The following FLYWCH1 variants were observed in gnomAD, a reference collection of about 807,000 sequenced individuals.
FLYWCH1 encodes the protein FLYWCH-type zinc finger-containing protein 1.
In FLYWCH1, 75 loss-of-function variants were observed where a neutral mutation model predicts 66.4. That is an observed-to-expected ratio of 1.13 (90% CI 0.94 to 1.37). FLYWCH1 has a LOEUF of 1.37. Among genes scored for constraint, FLYWCH1 ranks in the 40% most tolerant of loss-of-function variants. The probability of loss-of-function intolerance (pLI) is 0.00; values close to 1 mark genes in which losing one functional copy is unlikely to be tolerated. For synonymous variants in FLYWCH1, 595 were observed against 429.9 expected (o/e 1.38, Z -4.75); for missense variants, 1,334 against 1,001.8 (o/e 1.33, Z -4.48).
At chr16:2,921,216 A>G (rs1449497562) in intron 2 of FLYWCH1, among the ~76,000 whole-genome samples, 1 of 152,196 alleles carries the variant, frequency 6.6e-6, no homozygotes, top group Non-Finnish European at 1.5e-5. Flanking sequence ...AAAGTCTACA[A>G]TTCATTGCTT....
Position 2,938,334 on chromosome 16 carries a change from C to G in FLYWCH1, c.1928C>G (p.Ala643Gly), listed in dbSNP as rs1375103593. 6.2e-7 allele frequency: 1 copy of G among 1,606,568 alleles called. No individual in the cohort carries two copies. The highest frequency in any genetic ancestry group is 8.5e-7 in the Non-Finnish European group (1 of 1,176,366). Residue 643 changes from alanine to glycine, a missense_variant, in exon 8 of 10, where the codon GCC becomes GGC. Ala to Gly is a moderately conservative substitution (Grantham distance 60). Transcript: ENST00000253928. ...DQARLGCRSR[A>G]ITQGHRIMVM... ...GCTCGGCTGGGCTGCCGCAGCCGCG[C>G]CATAACCCAGGGCCACCGCATCATG... is the stretch of plus-strand genomic sequence containing the variant.
chr16:2,947,903 T>G (rs1355191770), intron 9 of FLYWCH1, among the ~76,000 whole-genome samples: 3 of 141,768 alleles, frequency 2.1e-5, no homozygotes, highest in Non-Finnish European at 4.4e-5. Flanking sequence ...TAGCCAGATG[T>G]GGTGGTGTGC....
At position 2,930,784 on chromosome 16, in the gene FLYWCH1, C is replaced by T; in HGVS notation, c.700C>T (p.Leu234=). The change falls in exon 4 of 10, where the codon CTG becomes TTG. Residue 234 remains leucine, a synonymous_variant. Transcript: ENST00000253928. The stretch of plus-strand genomic sequence containing the variant: ...TGAGGAGCCCGAGCCCACTCCTGGG[C>T]TGGTGCTGAGCAAGCCGGCCCTGGA... ...CPEEPEPTPG[L]VLSKPALEEE... 6.3e-7 allele frequency: 1 copy of T among 1,590,928 alleles called. No homozygotes were observed. The highest frequency in any genetic ancestry group is 1.1e-5 in the South Asian group (1 of 87,674).
At position 2,946,867 on chromosome 16, in the gene FLYWCH1, G is replaced by A. The variant is rs118155051; in HGVS notation, c.2112-1821G>A. On this transcript the variant is annotated intron_variant, in intron 9 of 9. Transcript: ENST00000253928. ...AGCTAACAAGTGTTGGTGACGACAT[G>A]GAGAAACTGGAACCCTCATACTCTC... is the stretch of plus-strand genomic sequence containing the variant. 8.8e-3 allele frequency among the ~76,000 whole-genome samples: 1,344 copies of A among 152,206 alleles called. 10 individuals are homozygous for A. Among genetic ancestry groups the A allele is most frequent in the Non-Finnish European group, 0.014 (982 of 68,012 alleles).
intron 8 of FLYWCH1, 37 bp from the exon 9 acceptor site, chr16:2,939,995 G>A: frequency 6.4e-7 from 1 of 1,567,458 alleles, no homozygotes; most frequent in Non-Finnish European, 8.7e-7. Context: ...AACAAGAGAA[G>A]AATTATTAAT....
chr16:2,944,843 T>C lies in FLYWCH1; in HGVS notation c.2112-3845T>C, dbSNP rs2151020732. Among the ~76,000 whole-genome samples, 2 of 151,926 alleles carry C rather than the reference T, an allele frequency of 1.3e-5. 1 individual carries two copies. The highest frequency in any genetic ancestry group is 4.2e-4 in the South Asian group (2 of 4,810). Reference sequence around the variant, plus strand: ...TATCAAAAAAAAAAAAAAATTTTTTTTAACTGTAAAACGGCCTCAGGCAGG... The same window carrying C: ...TATCAAAAAAAAAAAAAAATTTTTTCTAACTGTAAAACGGCCTCAGGCAGG... On this transcript the variant is annotated intron_variant, in intron 9 of 9. Transcript: ENST00000253928.
chr16:2,938,202 A>G lies in FLYWCH1; in HGVS notation c.1796A>G (p.Glu599Gly). Residue 599 changes from glutamate (E) to glycine (G), a missense_variant, in exon 8 of 10, where the codon GAG becomes GGG. Transcript: ENST00000253928. ...WDSPDPLRPL[E>G]FLRTSLGGRF... ...CTTTCAGATCCTCTCCGGCCCCTGGAGTTCCTGAGGACTTCCCTGGGGGGC... is the reference window on the plus strand; with the variant it reads ...CTTTCAGATCCTCTCCGGCCCCTGGGGTTCCTGAGGACTTCCCTGGGGGGC... 1 of 1,612,822 alleles carries G rather than the reference A, an allele frequency of 6.2e-7. No individual in the cohort carries two copies.
Position 2,933,972 on chromosome 16 carries a change from G to A in FLYWCH1, c.1506G>A (p.Gly502=), listed in dbSNP as rs1344667327. The change falls in exon 6 of 10, where the codon GGG becomes GGA. Residue 502 remains glycine, a synonymous_variant. Coordinates refer to ENST00000253928, the MANE Select transcript of FLYWCH1 (RefSeq NM_001308068.2). ...AACGCCCCAACACGGCGCAGCGGGGGAGCCCAGGTACCTGGGGGTGGGCTG... is the reference window on the plus strand; with the variant it reads ...AACGCCCCAACACGGCGCAGCGGGGAAGCCCAGGTACCTGGGGGTGGGCTG... ...REKRPNTAQR[G]SPGGPEFLKT... 1 of 1,534,284 alleles carries A rather than the reference G, an allele frequency of 6.5e-7. No individual in the cohort carries two copies. Among genetic ancestry groups the A allele is most frequent in the Non-Finnish European group, 8.8e-7 (1 of 1,138,510 alleles).
At chr16:2,921,414 A>G (rs2070370890) in intron 2 of FLYWCH1, among the ~76,000 whole-genome samples, 2 of 152,006 alleles carry the variant, frequency 1.3e-5, no homozygotes, top group South Asian at 4.1e-4. Context: ...TGGACAGGGA[A>G]GCGGGTGAGA....
In FLYWCH1 at chr16:2,938,278, G is replaced by A; in HGVS notation, c.1872G>A (p.Gly624=). 1 of 1,612,926 alleles carries A rather than the reference G, an allele frequency of 6.2e-7. No individual in the cohort carries two copies. Among genetic ancestry groups the A allele is most frequent in the South Asian group, 1.1e-5 (1 of 90,994 alleles). Residue 624 remains glycine (G), a synonymous_variant, in exon 8 of 10, where the codon GGG becomes GGA. Coordinates refer to ENST00000253928, the MANE Select transcript of FLYWCH1 (RefSeq NM_001308068.2). ...SFLYRKEKAA[G]EKVYWMCRDQ... is the part of the protein sequence containing the mutation. ...TCTACAGGAAGGAGAAGGCGGCTGG[G>A]GAGAAGGTGTACTGGATGTGCCGGG...
intron 4 of FLYWCH1, among the ~76,000 whole-genome samples, chr16:2,932,043 G>A (rs774875604): frequency 1.3e-5 from 2 of 151,228 alleles, no homozygotes; most frequent in African/African-American, 4.9e-5. Flanking sequence ...GCGTGAACCC[G>A]GGAGGCGGAG....
In FLYWCH1 at chr16:2,923,181, C is replaced by G. The variant is rs147858938; in HGVS notation, c.-73-6432C>G. The G allele has an allele frequency of 1.7e-3, 607 of 364,152 alleles. 3 individuals are homozygous for G. Among genetic ancestry groups the G allele is most frequent in the African/African-American group, 0.012 (539 of 46,192 alleles). 22.6% of individuals were successfully genotyped at this position (364,152 alleles called of 1,614,324 possible). ...TTGGCCTTTAAAGCCTTTGCTTTGGCTTCAGCTTTACAAGGGGCAGGAGCT... is the reference window on the plus strand; with the variant it reads ...TTGGCCTTTAAAGCCTTTGCTTTGGGTTCAGCTTTACAAGGGGCAGGAGCT... On this transcript the variant is annotated intron_variant, in intron 2 of 9. Transcript: ENST00000253928.
At position 2,948,998 on chromosome 16, in the gene FLYWCH1, G is replaced by A; in HGVS notation, c.*271G>A. 2.0e-6 allele frequency: 1 copy of A among 492,880 alleles called. No individual in the cohort carries two copies. Among genetic ancestry groups the A allele is most frequent in the Non-Finnish European group, 3.7e-6 (1 of 268,962 alleles). 30.5% of individuals were successfully genotyped at this position (492,880 alleles called of 1,614,324 possible). A position where few individuals can be genotyped will look rare whatever the true frequency, so the allele number is the denominator to read the frequency against. ...CGCCTTCCTGACCTTTGGAAGACAT[G>A]ACAAAGCTGCCTGGACACGGACGCC... On this transcript the variant is annotated 3_prime_UTR_variant, in exon 10 of 10. Coordinates refer to ENST00000253928, the MANE Select transcript of FLYWCH1 (RefSeq NM_001308068.2).
At chr16:2,939,303 G>C (rs2150994501) in intron 8 of FLYWCH1, among the ~76,000 whole-genome samples, 1 of 152,120 alleles carries the variant, frequency 6.6e-6, no homozygotes, top group East Asian at 1.9e-4. Flanking sequence ...AAATTAGCTG[G>C]ACATGGTGAC....
At chr16:2,944,362 C>A (rs1394357662) in intron 9 of FLYWCH1, among the ~76,000 whole-genome samples, 1 of 148,854 alleles carries the variant, frequency 6.7e-6, no homozygotes, top group Non-Finnish European at 1.5e-5. Flanking sequence ...TGCACTCCAT[C>A]CAGCCTGGGT....
At chr16:2,922,579 G>A (rs985651332) in intron 2 of FLYWCH1, 3 of 322,582 alleles carry the variant, frequency 9.3e-6, no homozygotes, top group African/African-American at 6.7e-5. Flanking sequence ...GTCCCCTTGT[G>A]CCTGGCATGT....
intron 9 of FLYWCH1, among the ~76,000 whole-genome samples, chr16:2,946,395 C>T (rs971093384): frequency 6.0e-5 from 8 of 134,314 alleles, no homozygotes; most frequent in Non-Finnish European, 1.1e-4. Context: ...GATCTCGGCT[C>T]ACTGCAACCT....
chr16:2,920,255 C>T (rs1332205737), intron 2 of FLYWCH1, among the ~76,000 whole-genome samples: 1 of 152,054 alleles, frequency 6.6e-6, no homozygotes, highest in African/African-American at 2.4e-5. Flanking sequence ...TAGTAGAGCA[C>T]CTGTAATCCC....
At position 2,933,524 on chromosome 16, in the gene FLYWCH1, GGAGCTGCCAACCCAGCCCGAGGCCCCA is replaced by G; in HGVS notation, c.1194_1220del (p.Glu398_Pro406del). On this transcript the variant is annotated inframe_deletion, in exon 5 of 10. Transcript: ENST00000253928. Reference sequence around the variant, plus strand: ...GAAAGCGAGCAAAGGTCGAAGACCAGGAGCTGCCAACCCAGCCCGAGGCCCCAGACGAGCACCAGGACATGGACGCAG... The same window carrying G: ...GAAAGCGAGCAAAGGTCGAAGACCAGGACGAGCACCAGGACATGGACGCAG... The G allele has an allele frequency of 6.2e-7, 1 of 1,611,752 alleles. No individual in the cohort carries two copies. Among genetic ancestry groups the G allele is most frequent in the South Asian group, 1.1e-5 (1 of 90,822 alleles).
Sources: gnomAD v4.1 joint callset for allele counts (sites outside exome capture counted in the v4.1 genomes callset) on GRCh38, gnomAD v4.1.1 for gene constraint, MANE v1.5 for transcripts, NCBI Gene and HGNC (gene_info 2026-07-23, HGNC 2026-07-21) for gene names.